The following SNRPN variants were observed in gnomAD, a reference collection of about 807,000 sequenced individuals.
SNRPN encodes the protein small nuclear ribonucleoprotein polypeptide N.
Under a neutral mutation model 25.2 loss-of-function variants are expected in SNRPN, and 7 were observed. That is an observed-to-expected ratio of 0.28 (90% CI 0.16 to 0.52). The LOEUF (loss-of-function observed/expected upper bound fraction) is 0.52, where lower values mean the gene tolerates loss of function less well. Among genes scored for constraint, SNRPN ranks in the 20% least tolerant of loss-of-function variants. The pLI, the probability that SNRPN is intolerant of heterozygous loss-of-function variation, is 0.96. For synonymous variants in SNRPN, 124 were observed against 110.6 expected, an observed-to-expected ratio of 1.12 and a Z score of -0.76; for missense variants, 196 against 322.5, an observed-to-expected ratio of 0.61 and a Z score of 3.00.
rs758956901 is a variant in SNRPN, at chr15:24,976,406, C to T, written c.257C>T (p.Pro86Leu). 6.2e-7 allele frequency: 1 copy of T among 1,607,124 alleles called. No individual in the cohort carries two copies. Among genetic ancestry groups the T allele is most frequent in the Non-Finnish European group, 8.5e-7 (1 of 1,175,564 alleles). The change falls in exon 6 of 10, where the codon CCC becomes CTC. Residue 86 changes from proline (P) to leucine (L), a missense_variant. Physicochemically the swap from Pro to Leu is moderately conservative, Grantham distance 98 (BLOSUM62 -3). Transcript: ENST00000390687. ...NLVSMTVEGPPPKDTGIARVP... is the reference protein window; with the variant it reads ...NLVSMTVEGPLPKDTGIARVP... ...GTATCCATGACTGTGGAGGGGCCAC[C>T]CCCCAAAGATGTAAGGAAGATGTAG...
intron 3 of SNRPN, among the ~76,000 whole-genome samples, chr15:24,927,759 A>C (rs139137393): frequency 6.6e-6 from 1 of 152,174 alleles, no homozygotes; most frequent in Non-Finnish European, 1.5e-5. Flanking sequence ...TCAGTCTGCC[A>C]TAATGTTTAA....
chr15:24,957,773 T>C (rs1308002715), intron 1 of SNRPN, among the ~76,000 whole-genome samples: 1 of 152,154 alleles, frequency 6.6e-6, no homozygotes, highest in Non-Finnish European at 1.5e-5. Flanking sequence ...GCAGTTCACA[T>C]ACATATATTT....
chr15:24,889,748 G>A (rs992764248), intron 2 of SNRPN, among the ~76,000 whole-genome samples: 1 of 151,654 alleles, frequency 6.6e-6, no homozygotes, highest in African/African-American at 2.4e-5. Context: ...TAGTGCAGGG[G>A]GTCAGAATAG....
intron 2 of SNRPN, among the ~76,000 whole-genome samples, chr15:24,898,426 A>T (rs141826169): frequency 6.6e-6 from 1 of 152,072 alleles, no homozygotes; most frequent in East Asian, 1.9e-4. Context: ...CGTCTCTACT[A>T]AAAATACAAA....
chr15:24,967,877 T>C, intron 2 of SNRPN, 55 bp from the exon 3 acceptor site: 2 of 1,469,924 alleles, frequency 1.4e-6, no homozygotes, highest in Non-Finnish European at 1.9e-6. Context: ...TCATATGGTT[T>C]CCTATAAAGA....
chr15:24,945,362 A>AG (rs2061814861), intron 3 of SNRPN, among the ~76,000 whole-genome samples: 1 of 150,508 alleles, frequency 6.6e-6, no homozygotes, highest in Non-Finnish European at 1.5e-5. Flanking sequence ...AAAAAAAAAA[A>AG]AAAAGTACCA....
At chr15:24,945,914 G>T (rs1219701582) in intron 3 of SNRPN, among the ~76,000 whole-genome samples, 1 of 152,178 alleles carries the variant, frequency 6.6e-6, no homozygotes, top group Admixed American at 6.5e-5. Context: ...GTAGGCAAAA[G>T]GCTGGAACAT....
At chr15:24,890,206 C>T (rs1378207390) in intron 2 of SNRPN, among the ~76,000 whole-genome samples, 1 of 152,102 alleles carries the variant, frequency 6.6e-6, no homozygotes, top group East Asian at 1.9e-4. Flanking sequence ...GAATTATCTG[C>T]CCTACCTGTC....
chr15:24,947,873 G>C (rs2061977769), intron 3 of SNRPN, among the ~76,000 whole-genome samples: 1 of 151,816 alleles, frequency 6.6e-6, no homozygotes, highest in Non-Finnish European at 1.5e-5. Context: ...GGAGGAATGG[G>C]TCTCAATCTA....
Position 24,923,609 on chromosome 15 carries a change from A to G in SNRPN, c.-391+3485A>G, listed in dbSNP as rs954365316. 3.3e-5 allele frequency among the ~76,000 whole-genome samples: 5 copies of G among 152,218 alleles called. No individual in the cohort carries two copies. In the East Asian group the frequency reaches 5.8e-4, roughly 18 times the overall value. On this transcript the variant is annotated intron_variant, in intron 3 of 11. Transcript: ENST00000400097. The stretch of plus-strand genomic sequence containing the variant: ...AAGTAAATGGTGGTATAGGAATTCA[A>G]TGGAATTCAACTATAAATAAAAAAT...
At chr15:24,951,381 A>G (rs1018698326), upstream of SNRPN, among the ~76,000 whole-genome samples, 2 of 151,656 alleles carry the variant, frequency 1.3e-5, no homozygotes, top group African/African-American at 4.8e-5. Context: ...TGTGGTTTTC[A>G]TTTGTACTTC....
upstream of SNRPN, among the ~76,000 whole-genome samples, chr15:24,950,785 C>T (rs1194675995): frequency 2.6e-5 from 4 of 151,294 alleles, no homozygotes; most frequent in Non-Finnish European, 4.4e-5. Context: ...TGGATTCAAG[C>T]GATCTGCCTG....
rs1208604074 is a variant in SNRPN, at chr15:24,978,607, G to A, written c.*163G>A. 1.4e-6 allele frequency: 1 copy of A among 706,080 alleles called. No homozygotes were observed. The highest frequency in any genetic ancestry group is 1.8e-5 in the South Asian group (1 of 56,180). 43.7% of individuals were successfully genotyped at this position (706,080 alleles called of 1,614,324 possible). ...GAGGTACTGTTGTATATATTTTTTT[G>A]CCTGTTGATTTTGATGAGATCTTAA... On this transcript the variant is annotated 3_prime_UTR_variant, in exon 10 of 10. Coordinates refer to ENST00000390687, the MANE Select transcript of SNRPN (RefSeq NM_003097.6).
upstream of SNRPN, among the ~76,000 whole-genome samples, chr15:24,855,623 C>T (rs2053311629): frequency 6.6e-6 from 1 of 151,802 alleles, no homozygotes; most frequent in African/African-American, 2.4e-5. Context: ...AATACCGTCT[C>T]TACTAAAAAT....
intron 1 of SNRPN, among the ~76,000 whole-genome samples, chr15:24,866,314 G>A (rs1444660684): frequency 6.6e-6 from 1 of 152,066 alleles, no homozygotes; most frequent in Non-Finnish European, 1.5e-5. Flanking sequence ...TGTGCATTGT[G>A]GAATGGCTAA....
At chr15:24,975,075 T>G in intron 4 of SNRPN, 2 of 675,526 alleles carry the variant, frequency 3.0e-6, no homozygotes. Context: ...TTTGGTTTAC[T>G]TAGGGGAGTG....
Position 24,838,035 on chromosome 15 carries a change from A to AT in SNRPN, c.-579+8133dup, listed in dbSNP as rs1293115701. Among the ~76,000 whole-genome samples the AT allele has an allele frequency of 4.2e-3, 430 of 102,658 alleles. 5 individuals carry two copies. Among genetic ancestry groups the AT allele is most frequent in the African/African-American group, 0.014 (393 of 28,672 alleles). The allele number at this position is 102,658 out of a possible 152,430, so 67.3% of individuals were successfully genotyped here. ...ACTGTGCCCGGCCAACTCTTTATTT[A>AT]TTTATTTTTTTTTTTTTGAGACGGA... On this transcript the variant is annotated intron_variant, in intron 2 of 12. Coordinates refer to the SNRPN transcript ENST00000400100.
chr15:24,963,311 C>T (rs1192703440), intron 2 of SNRPN, among the ~76,000 whole-genome samples: 1 of 152,154 alleles, frequency 6.6e-6, no homozygotes, highest in Non-Finnish European at 1.5e-5. Flanking sequence ...ATGAAAAGAA[C>T]AGTCACTTTG....
At chr15:24,973,131 C>A (rs552561106) in intron 3 of SNRPN, among the ~76,000 whole-genome samples, 1 of 152,072 alleles carries the variant, frequency 6.6e-6, no homozygotes, top group Non-Finnish European at 1.5e-5. Flanking sequence ...TCAGGTGATC[C>A]GCCCACCTCG....
Sources: gnomAD v4.1 joint callset for allele counts (sites outside exome capture counted in the v4.1 genomes callset) on GRCh38, gnomAD v4.1.1 for gene constraint, MANE v1.5 for transcripts, NCBI Gene and HGNC (gene_info 2026-07-23, HGNC 2026-07-21) for gene names.